ZNF445: variants seen among roughly 807,000 people sequenced by gnomAD.
ZNF445 encodes the protein zinc finger protein 168.
Under a neutral mutation model 93.9 loss-of-function variants are expected in ZNF445, and 19 were observed. The observed-to-expected ratio is 0.20, with a 90% CI of 0.14 to 0.30. ZNF445 has a LOEUF of 0.30. Ranked by LOEUF, ZNF445 falls within the 10% of genes least tolerant of loss-of-function variation. The pLI is 1.00. For synonymous variants in ZNF445, 449 were observed against 446.3 expected, an observed-to-expected ratio of 1.01 and a Z score of -0.08; for missense variants, 1,058 against 1,259.4, an observed-to-expected ratio of 0.84 and a Z score of 2.42.
In ZNF445 at chr3:44,455,654, G is replaced by A; in HGVS notation, c.-105C>T. 1 of 1,072,494 alleles carries A rather than the reference G, an allele frequency of 9.3e-7. No individual in the cohort carries two copies. Among genetic ancestry groups the A allele is most frequent in the South Asian group, 1.7e-5 (1 of 59,712 alleles). 66.4% of individuals were successfully genotyped at this position (1,072,494 alleles called of 1,614,324 possible). ...AGTCAACAATGCCAACATTTGCTGG[G>A]ACATCAGAAGTCATCAGCAAGTGAC... On this transcript the variant is annotated 5_prime_UTR_variant, in exon 3 of 8. Coordinates refer to ENST00000396077, the MANE Select transcript of ZNF445 (RefSeq NM_181489.6).
chr3:44,462,411 C>T (rs1197130213), intron 1 of ZNF445, among the ~76,000 whole-genome samples: 1 of 152,142 alleles, frequency 6.6e-6, no homozygotes, highest in Non-Finnish European at 1.5e-5. Context: ...AACACCTTTG[C>T]AAGCTTGAAA....
chr3:44,466,221 A>G (rs960200240), intron 1 of ZNF445, among the ~76,000 whole-genome samples: 2 of 152,180 alleles, frequency 1.3e-5, no homozygotes, highest in African/African-American at 4.8e-5. Flanking sequence ...TGGCCAAAGA[A>G]TGATTTATGG....
chr3:44,450,808 A>C, intron 5 of ZNF445, 60 bp downstream of exon 5: 1 of 1,402,142 alleles, frequency 7.1e-7, no homozygotes, highest in Non-Finnish European at 9.6e-7. Context: ...GGGAAGCTGC[A>C]CTATCCCATT....
At chr3:44,475,118 GTCTTA>G (rs1301467526) in intron 1 of ZNF445, among the ~76,000 whole-genome samples, 2 of 151,842 alleles carry the variant, frequency 1.3e-5, no homozygotes, top group Non-Finnish European at 2.9e-5. Context: ...AAAAAGGTTT[GTCTTA>G]TCTTACATTG....
At position 44,432,435 on chromosome 3, in the gene ZNF445, T is replaced by G. The variant is rs932604561; in HGVS notation, c.*14140A>C. The G allele has an allele frequency of 3.3e-5, 5 of 152,324 alleles. No individual in the cohort carries two copies. The East Asian group carries it at 9.7e-4, about 29-fold the overall frequency. The allele number at this position is 152,324 out of a possible 1,614,324, so 9.4% of individuals were successfully genotyped here. On this transcript the variant is annotated 3_prime_UTR_variant, in exon 8 of 8. Transcript: ENST00000396077. ...GGCTGGAGAACCAGGAGAATACATATTCCAGTGAGAGCCCAGTGGCACCTG... is the reference window on the plus strand; with the variant it reads ...GGCTGGAGAACCAGGAGAATACATAGTCCAGTGAGAGCCCAGTGGCACCTG...
At chr3:44,457,001 T>C (rs1180819241) in intron 2 of ZNF445, among the ~76,000 whole-genome samples, 1 of 152,150 alleles carries the variant, frequency 6.6e-6, no homozygotes, top group Non-Finnish European at 1.5e-5. Flanking sequence ...TGGTGGCATG[T>C]GCCTATAATC....
chr3:44,458,880 C>T (rs577069824), intron 1 of ZNF445, among the ~76,000 whole-genome samples: 97 of 152,250 alleles, frequency 6.4e-4, no homozygotes, highest in African/African-American at 1.8e-3. Context: ...AGAAATGCTG[C>T]GGAGAGGCCA....
Position 44,446,564 on chromosome 3 carries a change from C to A in ZNF445, c.*11G>T. 1 of 1,614,010 alleles carries A rather than the reference C, an allele frequency of 6.2e-7. No homozygotes were observed. Among genetic ancestry groups the A allele is most frequent in the South Asian group, 1.1e-5 (1 of 91,036 alleles). On this transcript the variant is annotated 3_prime_UTR_variant, in exon 8 of 8. Transcript: ENST00000396077. The surrounding 1 kb of genome is among the most constrained non-coding windows in gnomAD (Gnocchi z 4.2). ...GAGAACCCACCCCCACTGTCACTGT[C>A]AGGTCCCAGGCTAATCTCTAATATG...
rs1357149745 is a variant in ZNF445, at chr3:44,434,670, G to A, written c.*11905C>T. ...GCAGAGTTGAGGCAGCCTTGAGATA[G>A]GGTGGTGAAGGTGTATCTAGCTGAA... On this transcript the variant is annotated 3_prime_UTR_variant, in exon 8 of 8. Transcript: ENST00000396077. 1 of 152,176 alleles carries A rather than the reference G, an allele frequency of 6.6e-6. No individual in the cohort carries two copies. The highest frequency in any genetic ancestry group is 2.4e-5 in the African/African-American group (1 of 41,440). The allele number at this position is 152,176 out of a possible 1,614,324, so 9.4% of individuals were successfully genotyped here.
chr3:44,458,754 A>G (rs1698066531), intron 1 of ZNF445, among the ~76,000 whole-genome samples: 1 of 152,102 alleles, frequency 6.6e-6, no homozygotes, highest in Non-Finnish European at 1.5e-5. Flanking sequence ...CTAAAAATAT[A>G]TAGTCATCTT....
In ZNF445 at chr3:44,455,586, C is replaced by T; in HGVS notation, c.-37G>A. 7 of 1,525,570 alleles carry T rather than the reference C, an allele frequency of 4.6e-6. No homozygotes were observed. Among genetic ancestry groups the T allele is most frequent in the Non-Finnish European group, 6.2e-6 (7 of 1,137,292 alleles). 94.5% of individuals were successfully genotyped at this position (1,525,570 alleles called of 1,614,324 possible). A position where few individuals can be genotyped will look rare whatever the true frequency, so the allele number is the denominator to read the frequency against. ...AGGGACTAACCAGAAGAGTGCGAAC[C>T]AAGTCCACCTTAGACGTGGGTCCTC... is the stretch of plus-strand genomic sequence containing the variant. On this transcript the variant is annotated 5_prime_UTR_variant, in exon 3 of 8. Transcript: ENST00000396077.
Position 44,433,166 on chromosome 3 carries a change from T to G in ZNF445, c.*13409A>C, listed in dbSNP as rs1575298518. 1.3e-5 allele frequency: 2 copies of G among 149,252 alleles called. No homozygotes were observed. The highest frequency in any genetic ancestry group is 4.2e-4 in the South Asian group (2 of 4,734). The allele number at this position is 149,252 out of a possible 1,614,324, so 9.2% of individuals were successfully genotyped here. On this transcript the variant is annotated 3_prime_UTR_variant, in exon 8 of 8. Transcript: ENST00000396077. ...TCCCGCTCTGTTGTCCAGGCTGGAG[T>G]GCAGTGGCACTATCTCGGCTCACCA... is the stretch of plus-strand genomic sequence containing the variant.
chr3:44,462,141 C>A (rs6441845), intron 1 of ZNF445, among the ~76,000 whole-genome samples: 109,267 of 152,022 alleles, frequency 0.72, 39,830 homozygotes, highest in East Asian at 1. Flanking sequence ...TCTGTAATGG[C>A]GAAAGGACTA....
chr3:44,467,425 T>C (rs192199574), intron 1 of ZNF445, among the ~76,000 whole-genome samples: 1 of 152,290 alleles, frequency 6.6e-6, no homozygotes, highest in East Asian at 1.9e-4. Flanking sequence ...TTAAAGCCTG[T>C]TGGGGAATCT....
At chr3:44,461,020 C>G (rs573298983) in intron 1 of ZNF445, among the ~76,000 whole-genome samples, 4 of 152,182 alleles carry the variant, frequency 2.6e-5, no homozygotes, top group African/African-American at 9.7e-5. Flanking sequence ...CCCATGTGCA[C>G]AGATTTAATA....
rs879444579 is a variant in ZNF445, at chr3:44,433,126, CTT to C, written c.*13447_*13448del. On this transcript the variant is annotated 3_prime_UTR_variant, in exon 8 of 8. Transcript: ENST00000396077. The stretch of plus-strand genomic sequence containing the variant: ...TCCTGGGATGCTAAGGGTCATCGTT[CTT>C]TTTTTTTTTTTTTCCCGCTCTGTTG... 10 of 142,156 alleles carry C rather than the reference CTT, an allele frequency of 7.0e-5. No homozygotes were observed. The highest frequency in any genetic ancestry group is 7.1e-5 in the Admixed American group (1 of 14,118). The allele number at this position is 142,156 out of a possible 1,614,324, so 8.8% of individuals were successfully genotyped here.
intron 1 of ZNF445, among the ~76,000 whole-genome samples, chr3:44,458,716 T>C (rs1698065867): frequency 6.6e-6 from 1 of 152,070 alleles, no homozygotes; most frequent in Non-Finnish European, 1.5e-5. Context: ...CACCTGCTCC[T>C]TTTTCTCCCC....
intron 3 of ZNF445, among the ~76,000 whole-genome samples, chr3:44,452,580 A>G (rs1398404223): frequency 6.6e-6 from 1 of 152,170 alleles, no homozygotes; most frequent in Middle Eastern, 3.2e-3. Flanking sequence ...CTTTCTGCTC[A>G]TGTGGCAATG....
chr3:44,446,508 C>T lies in ZNF445; in HGVS notation c.*67G>A. 2 of 1,593,502 alleles carry T rather than the reference C, an allele frequency of 1.3e-6. No homozygotes were observed. Among genetic ancestry groups the T allele is most frequent in the Non-Finnish European group, 8.5e-7 (1 of 1,173,012 alleles). On this transcript the variant is annotated 3_prime_UTR_variant, in exon 8 of 8. Transcript: ENST00000396077. The surrounding 1 kb of genome is among the most constrained non-coding windows in gnomAD (Gnocchi z 4.2). ...CCTTTATCAAAGTTACTCCACAATGCCTATAATTAAGGGTTCTCTAGCAGG... is the reference window on the plus strand; with the variant it reads ...CCTTTATCAAAGTTACTCCACAATGTCTATAATTAAGGGTTCTCTAGCAGG...
Sources: gnomAD v4.1 joint callset for allele counts (sites outside exome capture counted in the v4.1 genomes callset) on GRCh38, gnomAD v4.1.1 for gene constraint, Gnocchi (gnomAD v3.1) non-coding constraint, MANE v1.5 for transcripts, NCBI Gene and HGNC (gene_info 2026-07-23, HGNC 2026-07-21) for gene names.